TTC7B: variants seen among roughly 807,000 people sequenced by gnomAD.
TTC7B encodes the protein tetratricopeptide repeat domain 7B, also known as tetratricopeptide repeat protein 7B.
In TTC7B, 28 loss-of-function variants were observed where a neutral mutation model predicts 106.8. The ratio of observed to expected loss-of-function variants is 0.26; its 90% CI spans 0.19 to 0.36. TTC7B has a LOEUF of 0.36. Among genes scored for constraint, TTC7B ranks in the 10% least tolerant of loss-of-function variants. TTC7B has a pLI of 1.00. For synonymous variants in TTC7B, 405 were observed against 430.6 expected, an observed-to-expected ratio of 0.94 and a Z score of 0.74; for missense variants, 862 against 1,076.4, an observed-to-expected ratio of 0.80 and a Z score of 2.79.
chr14:90,768,583 A>T (rs926170192), intron 3 of TTC7B, among the ~76,000 whole-genome samples: 1 of 152,194 alleles, frequency 6.6e-6, no homozygotes, highest in Admixed American at 6.5e-5. Flanking sequence ...CATATCAACC[A>T]AGAATCCCAT....
chr14:90,669,826 G>T (rs1222034003), intron 9 of TTC7B, among the ~76,000 whole-genome samples: 1 of 152,218 alleles, frequency 6.6e-6, no homozygotes, highest in African/African-American at 2.4e-5. Flanking sequence ...TGTATTGCTG[G>T]TAGGAATGTA....
chr14:90,714,457 A>T lies in TTC7B; in HGVS notation c.698+15618T>A, dbSNP rs79581657. Among the ~76,000 whole-genome samples, 151 of 129,298 alleles carry T rather than the reference A, an allele frequency of 1.2e-3. 2 individuals carry two copies. Among genetic ancestry groups the T allele is most frequent in the Middle Eastern group, 4.1e-3 (1 of 246 alleles). The allele number at this position is 129,298 out of a possible 152,430, so 84.8% of individuals were successfully genotyped here. On this transcript the variant is annotated intron_variant, in intron 5 of 19. Coordinates refer to ENST00000328459, the MANE Select transcript of TTC7B (RefSeq NM_001010854.2). ...TGAAGATGATTGCACAGCTGTATAA[A>T]TTTTTTTTTTTTTTTTTAGAGATAG...
At chr14:90,573,863 T>C (rs1437116199) in intron 19 of TTC7B, among the ~76,000 whole-genome samples, 3 of 152,370 alleles carry the variant, frequency 2.0e-5, no homozygotes, top group East Asian at 3.9e-4. Flanking sequence ...CTAGCAATAC[T>C]TCCCATCCTG....
At chr14:90,644,614 T>G (rs1885353748) in intron 14 of TTC7B, 3 of 160,612 alleles carry the variant, frequency 1.9e-5, no homozygotes, top group Admixed American at 1.8e-4. Flanking sequence ...CAGAGATTTT[T>G]AGTGGAATTA....
rs574810423 is a variant in TTC7B, at chr14:90,760,682, A to G, written c.446-15760T>C. Reference sequence around the variant, plus strand: ...TCACTAGCCCAGAGCCCTGGGGGGCATTGTGCTTATAGGTGGAGCTGTCTT... The same window carrying G: ...TCACTAGCCCAGAGCCCTGGGGGGCGTTGTGCTTATAGGTGGAGCTGTCTT... On this transcript the variant is annotated intron_variant, in intron 3 of 19. Transcript: ENST00000328459. Among the ~76,000 whole-genome samples, 462 of 152,286 alleles carry G rather than the reference A, an allele frequency of 3.0e-3. 2 individuals carry two copies. The highest frequency in any genetic ancestry group is 0.011 in the African/African-American group (442 of 41,562).
chr14:90,555,859 G>A lies in TTC7B; in HGVS notation c.2311-14270C>T, dbSNP rs1369383644. On this transcript the variant is annotated intron_variant, in intron 19 of 19. Coordinates refer to ENST00000328459, the MANE Select transcript of TTC7B (RefSeq NM_001010854.2). ...GCTGCCTCTGCCTAGCCCTGGGAGT[G>A]GAATAACTTGGTCACACTTGTGTCC... is the stretch of plus-strand genomic sequence containing the variant. Among the ~76,000 whole-genome samples, 6 of 152,332 alleles carry A rather than the reference G, an allele frequency of 3.9e-5. No individual in the cohort carries two copies. The East Asian group carries it at 1.2e-3, about 29-fold the overall frequency.
intron 5 of TTC7B, among the ~76,000 whole-genome samples, chr14:90,704,263 AG>A (rs1312964095): frequency 6.6e-6 from 1 of 152,226 alleles, no homozygotes; most frequent in Non-Finnish European, 1.5e-5. Context: ...AGCCAAAAGC[AG>A]CCACTGGTGT....
rs1889113283 is a variant in TTC7B at position 90,524,975 on chromosome 14, C to T, written c.*16393G>A. On this transcript the variant is annotated 3_prime_UTR_variant, in exon 20 of 20. Coordinates refer to ENST00000328459, the MANE Select transcript of TTC7B (RefSeq NM_001010854.2). ...GTAAAGCGCAAGCATTTAAAGTATA[C>T]AGTTCAATATGTCTTGACATTTGTA... 6.6e-6 allele frequency: 1 copy of T among 152,080 alleles called. No homozygotes were observed. Among genetic ancestry groups the T allele is most frequent in the Non-Finnish European group, 1.5e-5 (1 of 68,024 alleles). The allele number at this position is 152,080 out of a possible 1,614,324, so 9.4% of individuals were successfully genotyped here.
chr14:90,693,964 CA>C (rs1289592711), intron 6 of TTC7B, among the ~76,000 whole-genome samples: 1 of 152,180 alleles, frequency 6.6e-6, no homozygotes, highest in Non-Finnish European at 1.5e-5. Flanking sequence ...CAATGTCCAT[CA>C]GCTGATGAAT....
At chr14:90,615,181 T>G (rs542640789) in intron 16 of TTC7B, among the ~76,000 whole-genome samples, 1 of 152,216 alleles carries the variant, frequency 6.6e-6, no homozygotes, top group East Asian at 1.9e-4. Context: ...CAGTGTAATT[T>G]TTTTCCCCCT....
intron 17 of TTC7B, among the ~76,000 whole-genome samples, chr14:90,610,263 G>C (rs1056571073): frequency 1.3e-5 from 2 of 152,242 alleles, no homozygotes; most frequent in African/African-American, 4.8e-5. Flanking sequence ...GAGGTGTGCA[G>C]ATTTGCTCAT....
intron 3 of TTC7B, among the ~76,000 whole-genome samples, chr14:90,776,687 T>C (rs923464429): frequency 1.3e-5 from 2 of 152,084 alleles, no homozygotes; most frequent in African/African-American, 4.8e-5. Flanking sequence ...GAAGAAACCT[T>C]ACCCAGCCCA....
chr14:90,752,073 G>A (rs964786435), intron 3 of TTC7B, among the ~76,000 whole-genome samples: 5 of 152,210 alleles, frequency 3.3e-5, no homozygotes, highest in Non-Finnish European at 7.3e-5. Context: ...CACACGGGGA[G>A]GGGTGCTGGG....
rs183720739 is a variant in TTC7B at position 90,545,022 on chromosome 14, C to T, written c.2311-3433G>A. On this transcript the variant is annotated intron_variant, in intron 19 of 19. Transcript: ENST00000328459. ...GGGTTTTTCCCCACTGGGCACCACG[C>T]TAGGCACTGTAGCTAGCCCATCTCC... Among the ~76,000 whole-genome samples the T allele has an allele frequency of 2.9e-3, 446 of 152,340 alleles. 5 individuals are homozygous for T. The highest frequency in any genetic ancestry group is 0.01 in the African/African-American group (416 of 41,586).
chr14:90,745,312 AAAAGAAG>A (rs1889923792), intron 3 of TTC7B, among the ~76,000 whole-genome samples: 1 of 148,410 alleles, frequency 6.7e-6, no homozygotes, highest in African/African-American at 2.5e-5. Context: ...AAAAAAAAAA[AAAAGAAG>A]AAGAAGAAGA....
At chr14:90,778,152 C>T (rs146744280) in intron 3 of TTC7B, among the ~76,000 whole-genome samples, 20 of 152,304 alleles carry the variant, frequency 1.3e-4, no homozygotes, top group African/African-American at 4.8e-4. Flanking sequence ...TGGCCACTTC[C>T]TCTAGGCAGA....
At chr14:90,800,684 G>A (rs1391585774) in intron 1 of TTC7B, among the ~76,000 whole-genome samples, 1 of 152,092 alleles carries the variant, frequency 6.6e-6, no homozygotes, top group Non-Finnish European at 1.5e-5. Context: ...AGTGGCGGAC[G>A]CCTGTAGTCC....
At position 90,715,828 on chromosome 14, in the gene TTC7B, T is replaced by C. The variant is rs186806572; in HGVS notation, c.698+14247A>G. On this transcript the variant is annotated intron_variant, in intron 5 of 19. Coordinates refer to ENST00000328459, the MANE Select transcript of TTC7B (RefSeq NM_001010854.2). ...CCTGTCAGATGGTATGTTTTATCCC[T>C]CCTTCAAAGACCAAGTCCAAATGTT... Among the ~76,000 whole-genome samples, 251 of 152,284 alleles carry C rather than the reference T, an allele frequency of 1.6e-3. 2 individuals carry two copies. Among genetic ancestry groups the C allele is most frequent in the Non-Finnish European group, 2.9e-3 (200 of 68,020 alleles).
At chr14:90,647,811 T>C (rs1333175142) in intron 13 of TTC7B, among the ~76,000 whole-genome samples, 1 of 152,164 alleles carries the variant, frequency 6.6e-6, no homozygotes. Context: ...GTTTAACTGC[T>C]GGGAAGAGAA....
Sources: allele counts gnomAD v4.1 joint callset (sites outside exome capture counted in the v4.1 genomes callset), GRCh38; gene constraint gnomAD v4.1.1; transcripts MANE v1.5; gene names NCBI Gene and HGNC (gene_info 2026-07-23, HGNC 2026-07-21).